AOPEP: variants seen among roughly 807,000 people sequenced by gnomAD.
AOPEP encodes the protein aminopeptidase O (putative), also known as aminopeptidase O.
AOPEP carries 77 observed loss-of-function variants against 98.1 expected under a neutral mutation model. The observed-to-expected ratio is 0.78, with a 90% CI of 0.65 to 0.95. The LOEUF is 0.95. AOPEP is among the 40% of genes least tolerant of loss of function. AOPEP has a pLI of 0.00. For missense variants in AOPEP, 1,024 were observed against 1,024.7 expected (o/e 1.00, Z 0.01); for synonymous variants, 346 against 365.3 (o/e 0.95, Z 0.60).
chr9:94,744,692 A>T (rs1463861155), intron 1 of AOPEP, among the ~76,000 whole-genome samples: 1 of 134,662 alleles, frequency 7.4e-6, no homozygotes, highest in Non-Finnish European at 1.5e-5. Flanking sequence ...CAAGAGTGAG[A>T]CTCTGTCTCA....
chr9:94,918,483 G>T (rs2053136104), intron 5 of AOPEP, among the ~76,000 whole-genome samples: 1 of 152,186 alleles, frequency 6.6e-6, no homozygotes, highest in Non-Finnish European at 1.5e-5. Flanking sequence ...AGCTGGCACA[G>T]AGGGACGGGA....
At chr9:95,030,463 C>T (rs1453574699) in intron 13 of AOPEP, among the ~76,000 whole-genome samples, 1 of 152,196 alleles carries the variant, frequency 6.6e-6, no homozygotes, top group Non-Finnish European at 1.5e-5. Context: ...AGCTGTAGTC[C>T]TGGGGATATG....
At chr9:94,740,549 G>C (rs1209544352) in intron 1 of AOPEP, among the ~76,000 whole-genome samples, 1 of 152,178 alleles carries the variant, frequency 6.6e-6, no homozygotes, top group Non-Finnish European at 1.5e-5. Flanking sequence ...TTCTTATTGA[G>C]TGATAGAAAG....
chr9:94,933,893 G>A (rs990443321), intron 7 of AOPEP, among the ~76,000 whole-genome samples: 5 of 151,544 alleles, frequency 3.3e-5, no homozygotes, highest in African/African-American at 1.2e-4. Context: ...GACTACAGGT[G>A]CCCGCCACCA....
At chr9:95,146,113 T>C in the AOPEP span, among the ~76,000 whole-genome samples, 1 of 152,186 alleles carries the variant, frequency 6.6e-6, no homozygotes. Context: ...TATTGTAGTT[T>C]TGTTTTTTTA....
intron 5 of AOPEP, among the ~76,000 whole-genome samples, chr9:94,905,423 C>T (rs866579228): frequency 3.3e-5 from 5 of 152,122 alleles, no homozygotes; most frequent in African/African-American, 1.2e-4. Context: ...GTTCCACGTC[C>T]TCAGATAACA....
Position 94,808,228 on chromosome 9 carries a change from C to T in AOPEP, c.1364+7226C>T, listed in dbSNP as rs372329669. ...CTAATTTTTTGTATTTTAATAGACACGGGGTTTCACCATGTTGCCCAGGCT... is the reference window on the plus strand; with the variant it reads ...CTAATTTTTTGTATTTTAATAGACATGGGGTTTCACCATGTTGCCCAGGCT... On this transcript the variant is annotated intron_variant, in intron 5 of 16. Transcript: ENST00000375315. Among the ~76,000 whole-genome samples the T allele has an allele frequency of 6.7e-4, 102 of 152,146 alleles. No individual in the cohort carries two copies. In the East Asian group the frequency reaches 0.013, roughly 19 times the overall value.
intron 13 of AOPEP, among the ~76,000 whole-genome samples, chr9:95,027,013 G>A (rs1302032787): frequency 1.3e-5 from 2 of 152,164 alleles, no homozygotes; most frequent in Non-Finnish European, 2.9e-5. Context: ...TGTAATCCCA[G>A]TACTTTGGGA....
chr9:94,757,886 G>A (rs12337992), intron 1 of AOPEP, among the ~76,000 whole-genome samples: 8,512 of 152,158 alleles, frequency 0.056, 358 homozygotes, highest in South Asian at 0.11. Context: ...TGATTACATA[G>A]AAATAGCCAA....
chr9:94,887,901 A>T (rs1352031704), intron 5 of AOPEP, among the ~76,000 whole-genome samples: 1 of 152,154 alleles, frequency 6.6e-6, no homozygotes, highest in Non-Finnish European at 1.5e-5. Context: ...CAGTGTAAAC[A>T]CTGGAAATTT....
At chr9:94,774,721 A>G (rs935903870) in intron 3 of AOPEP, among the ~76,000 whole-genome samples, 1 of 152,224 alleles carries the variant, frequency 6.6e-6, no homozygotes, top group Non-Finnish European at 1.5e-5. Context: ...ATATAAAATT[A>G]GAATTACTGA....
chr9:94,966,076 A>C (rs1343289081), intron 9 of AOPEP, among the ~76,000 whole-genome samples: 61 of 125,674 alleles, frequency 4.9e-4, no homozygotes, highest in South Asian at 1.9e-3. Context: ...GTCTGCAGTT[A>C]ACTGGGTGTC....
chr9:95,090,075 T>C (rs957812234), downstream of AOPEP, among the ~76,000 whole-genome samples: 1 of 152,150 alleles, frequency 6.6e-6, no homozygotes, highest in African/African-American at 2.4e-5. Context: ...GCCCTGAGGC[T>C]GCGTGGGGCT....
At chr9:95,041,821 C>G (rs1041548807) in intron 13 of AOPEP, among the ~76,000 whole-genome samples, 1 of 152,056 alleles carries the variant, frequency 6.6e-6, no homozygotes, top group African/African-American at 2.4e-5. Flanking sequence ...GTTAAAGAAC[C>G]GGACCCAGAA....
At chr9:94,927,532 C>T (rs1306146029) in intron 6 of AOPEP, among the ~76,000 whole-genome samples, 5 of 152,214 alleles carry the variant, frequency 3.3e-5, no homozygotes, top group Admixed American at 6.5e-5. Context: ...AATCCCTCCT[C>T]CCCGGCCGAC....
chr9:94,728,239 G>GCGCGCGCGCGCACACACACACACA (rs113657409), intron 1 of AOPEP, among the ~76,000 whole-genome samples: 116 of 146,604 alleles, frequency 7.9e-4, no homozygotes, highest in Non-Finnish European at 1.5e-3. Context: ...GTGCGCGCAT[G>GCGCGCGCGCGCACACACACACACA]CACACACACA....
At chr9:94,829,302 T>A (rs554575112) in intron 5 of AOPEP, among the ~76,000 whole-genome samples, 1 of 152,290 alleles carries the variant, frequency 6.6e-6, no homozygotes, top group East Asian at 1.9e-4. Flanking sequence ...TAGATGATTA[T>A]CAAATACCTA....
intron 13 of AOPEP, among the ~76,000 whole-genome samples, chr9:95,023,036 C>T (rs1322267333): frequency 6.6e-6 from 1 of 152,180 alleles, no homozygotes; most frequent in Non-Finnish European, 1.5e-5. Context: ...CCCTCACCGG[C>T]TTTTTCACGC....
intron 1 of AOPEP, among the ~76,000 whole-genome samples, chr9:94,751,699 G>C (rs943738778): frequency 3.3e-5 from 5 of 150,730 alleles, no homozygotes; most frequent in Non-Finnish European, 7.4e-5. Flanking sequence ...TATAGCTCTG[G>C]TGCCTCTAAT....
Sources: gnomAD v4.1 joint callset for allele counts (sites outside exome capture counted in the v4.1 genomes callset) on GRCh38, gnomAD v4.1.1 for gene constraint, MANE v1.5 for transcripts, NCBI Gene and HGNC (gene_info 2026-07-23, HGNC 2026-07-21) for gene names.